Variants in ATP9B observed in about 807,000 individuals in gnomAD.
The protein encoded by ATP9B is probable phospholipid-transporting ATPase IIB.
In ATP9B, 110 loss-of-function variants were observed where a neutral mutation model predicts 146.1. The ratio of observed to expected loss-of-function variants is 0.75; its 90% CI spans 0.65 to 0.88. The LOEUF is 0.88. Among genes scored for constraint, ATP9B ranks in the 40% least tolerant of loss-of-function variants. The pLI is 0.00. For missense variants in ATP9B, 1,499 were observed against 1,496.4 expected (o/e 1.00, Z -0.03); for synonymous variants, 604 against 569.7 (o/e 1.06, Z -0.86).
chr18:79,278,279 T>A (rs2096336121), intron 13 of ATP9B, among the ~76,000 whole-genome samples: 1 of 152,228 alleles, frequency 6.6e-6, no homozygotes, highest in Non-Finnish European at 1.5e-5. Flanking sequence ...TTGATGCGAC[T>A]TTGATCGAGT....
chr18:79,126,409 G>C, intron 5 of ATP9B, 34 bp downstream of exon 5: 1 of 1,434,110 alleles, frequency 7.0e-7, no homozygotes, highest in South Asian at 1.2e-5. Flanking sequence ...CTTAGCGTTT[G>C]CTTACTGTAA....
chr18:79,186,129 C>T (rs6506737), intron 8 of ATP9B, among the ~76,000 whole-genome samples: 104,310 of 152,028 alleles, frequency 0.69, 37,435 homozygotes, highest in African/African-American at 0.92. Context: ...GCCACAGTAA[C>T]TTTCAATAAA....
chr18:79,104,187 C>T (rs1478178416), intron 2 of ATP9B, among the ~76,000 whole-genome samples: 1 of 152,168 alleles, frequency 6.6e-6, no homozygotes, highest in Non-Finnish European at 1.5e-5. Flanking sequence ...CTGGTCTCCC[C>T]ATCCTAGAGG....
rs746080229 is a variant in ATP9B at position 79,359,395 on chromosome 18, T to C, written c.2945T>C (p.Val982Ala). The C allele has an allele frequency of 6.2e-7, 1 of 1,613,914 alleles. No individual in the cohort carries two copies. Among genetic ancestry groups the C allele is most frequent in the Non-Finnish European group, 8.5e-7 (1 of 1,179,942 alleles). The change falls in exon 26 of 30, where the codon GTG becomes GCG. Residue 982 changes from valine (V) to alanine (A), a missense_variant. Physicochemically the swap from Val to Ala is moderately conservative, Grantham distance 64. Transcript: ENST00000426216. ...IYTMFPVFSL[V>A]LDQDVKPEMA... ...ACCATGTTCCCAGTGTTCTCCTTAGTGCTGGACCAGGACGTGAAGCCAGAG... is the reference window on the plus strand; with the variant it reads ...ACCATGTTCCCAGTGTTCTCCTTAGCGCTGGACCAGGACGTGAAGCCAGAG...
intron 25 of ATP9B, 83 bp from the exon 26 acceptor site, chr18:79,359,271 T>C: frequency 9.6e-7 from 1 of 1,041,816 alleles, no homozygotes; most frequent in East Asian, 2.4e-5. Flanking sequence ...TTTTTGAAGC[T>C]GTGACCTCTA....
intron 1 of ATP9B, among the ~76,000 whole-genome samples, chr18:79,089,226 A>T (rs562725167): frequency 5.9e-5 from 9 of 152,302 alleles, no homozygotes; most frequent in Non-Finnish European, 1.2e-4. Context: ...ATGTAACTAA[A>T]TACCACCTGT....
chr18:79,327,436 C>T (rs2096753922), intron 15 of ATP9B, among the ~76,000 whole-genome samples: 1 of 151,992 alleles, frequency 6.6e-6, no homozygotes, highest in South Asian at 2.1e-4. Flanking sequence ...AGCGTGCTCT[C>T]CATGGTTAGT....
At chr18:79,200,399 A>C (rs990572957) in intron 9 of ATP9B, among the ~76,000 whole-genome samples, 1 of 152,248 alleles carries the variant, frequency 6.6e-6, no homozygotes, top group Non-Finnish European at 1.5e-5. Context: ...TGAACAAATG[A>C]GTAGGGAGAA....
chr18:79,244,594 T>C (rs1215826181), intron 11 of ATP9B, among the ~76,000 whole-genome samples: 1 of 152,206 alleles, frequency 6.6e-6, no homozygotes, highest in East Asian at 1.9e-4. Context: ...ATTTTAGTAC[T>C]ACACAAGATT....
chr18:79,224,749 G>T (rs1324166125), intron 11 of ATP9B, among the ~76,000 whole-genome samples: 7 of 152,202 alleles, frequency 4.6e-5, no homozygotes, highest in African/African-American at 1.7e-4. Context: ...GCACCCTCCT[G>T]TTATCCTCCC....
At chr18:79,139,737 C>T (rs2094491350) in intron 5 of ATP9B, among the ~76,000 whole-genome samples, 1 of 152,150 alleles carries the variant, frequency 6.6e-6, no homozygotes, top group Non-Finnish European at 1.5e-5. Flanking sequence ...TGACTGTAGT[C>T]ACTTTGTTGC....
At chr18:79,093,946 A>AT (rs1288237970) in intron 1 of ATP9B, among the ~76,000 whole-genome samples, 2 of 152,076 alleles carry the variant, frequency 1.3e-5, no homozygotes, top group South Asian at 4.1e-4. Context: ...TATTGGCCAT[A>AT]TTTCCCTGTT....
intron 11 of ATP9B, among the ~76,000 whole-genome samples, chr18:79,246,850 T>G (rs2095972587): frequency 6.6e-6 from 1 of 152,244 alleles, no homozygotes; most frequent in Admixed American, 6.5e-5. Flanking sequence ...CTCCTACACT[T>G]CAGCCTCCTC....
chr18:79,370,470 G>A (rs2097062672), intron 26 of ATP9B, among the ~76,000 whole-genome samples: 1 of 152,174 alleles, frequency 6.6e-6, no homozygotes, highest in Non-Finnish European at 1.5e-5. Flanking sequence ...ACCAAATGAA[G>A]AGGTACCTGG....
intron 13 of ATP9B, among the ~76,000 whole-genome samples, chr18:79,286,544 T>A (rs1272234495): frequency 1.3e-5 from 2 of 152,154 alleles, no homozygotes; most frequent in Non-Finnish European, 2.9e-5. Flanking sequence ...TTTCTAGATA[T>A]ACAATCATGT....
At chr18:79,073,717 G>GTTA (rs1468454230) in intron 1 of ATP9B, among the ~76,000 whole-genome samples, 3 of 152,162 alleles carry the variant, frequency 2.0e-5, no homozygotes, top group Admixed American at 6.5e-5. Context: ...TCTTTACTCT[G>GTTA]TTATCTCCAC....
At chr18:79,150,642 A>G (rs557010875) in intron 6 of ATP9B, among the ~76,000 whole-genome samples, 1 of 152,210 alleles carries the variant, frequency 6.6e-6, no homozygotes, top group Non-Finnish European at 1.5e-5. Context: ...TGAGTACTCC[A>G]TAGAAAATAA....
In ATP9B at chr18:79,348,005, T is replaced by G. The variant is rs529450965; in HGVS notation, c.2838+80T>G. The G allele has an allele frequency of 2.5e-5, 40 of 1,596,952 alleles. No homozygotes were observed. The African/African-American group carries it at 4.5e-4, about 18-fold the overall frequency. ...GTCCGGGAAGGGCAGGGTCCGGGAGTGGGGGTGCTGAGTGCTGCCGGAAGT... is the reference window on the plus strand; with the variant it reads ...GTCCGGGAAGGGCAGGGTCCGGGAGGGGGGGTGCTGAGTGCTGCCGGAAGT... On this transcript the variant is annotated intron_variant, in intron 24 of 29. Coordinates refer to ENST00000426216, the MANE Select transcript of ATP9B (RefSeq NM_198531.5).
intron 4 of ATP9B, among the ~76,000 whole-genome samples, chr18:79,118,400 T>TTG (rs2094129499): frequency 1.6e-5 from 2 of 127,162 alleles, no homozygotes; most frequent in Non-Finnish European, 3.3e-5. Context: ...GTTTTTTTTT[T>TTG]TTTTTTTTTT....
Sources: allele counts gnomAD v4.1 joint callset (sites outside exome capture counted in the v4.1 genomes callset), GRCh38; gene constraint gnomAD v4.1.1; transcripts MANE v1.5; gene names NCBI Gene and HGNC (gene_info 2026-07-23, HGNC 2026-07-21).